The following ANKS1B variants were observed in gnomAD, a reference collection of about 807,000 sequenced individuals.
ANKS1B encodes ankyrin repeat and sterile alpha motif domain-containing protein 1B.
ANKS1B carries 36 observed loss-of-function variants against 148.3 expected under a neutral mutation model. The ratio of observed to expected loss-of-function variants is 0.24; its 90% CI spans 0.19 to 0.32. The LOEUF is 0.32. ANKS1B is among the 10% of genes least tolerant of loss of function. ANKS1B has a pLI of 1.00. For synonymous variants in ANKS1B, 542 were observed against 560.8 expected, an observed-to-expected ratio of 0.97 and a Z score of 0.47; for missense variants, 1,157 against 1,542.6, an observed-to-expected ratio of 0.75 and a Z score of 4.19.
intron 8 of ANKS1B, among the ~76,000 whole-genome samples, chr12:99,656,863 G>T (rs2098452134): frequency 1.3e-5 from 2 of 152,118 alleles, no homozygotes; most frequent in Admixed American, 6.6e-5. Context: ...ACTAAAGCAA[G>T]TAAATATATT....
chr12:99,448,159 G>A (rs1488052368), intron 10 of ANKS1B, among the ~76,000 whole-genome samples: 1 of 152,140 alleles, frequency 6.6e-6, no homozygotes, highest in Non-Finnish European at 1.5e-5. Flanking sequence ...CCATGTTATT[G>A]TAGCATTATT....
Position 99,850,281 on chromosome 12 carries a change from GTCTCTCTC to G in ANKS1B, c.135-24900_135-24893del, listed in dbSNP as rs71436968. Among the ~76,000 whole-genome samples the G allele has an allele frequency of 1.1e-4, 13 of 114,254 alleles. No homozygotes were observed. In the East Asian group the frequency reaches 2.0e-3, roughly 17 times the overall value. 75.0% of individuals were successfully genotyped at this position (114,254 alleles called of 152,430 possible). A position where few individuals can be genotyped will look rare whatever the true frequency, so the allele number is the denominator to read the frequency against. On this transcript the variant is annotated intron_variant, in intron 1 of 26. Coordinates refer to ENST00000683438, the MANE Select transcript of ANKS1B (RefSeq NM_001352186.2). ...TTGAGAAAACAGCAGAAGCAAGAAA[GTCTCTCTC>G]TCTCTCTCTCTCTCTCTCTCTCTCT...
rs143614080 is a variant in ANKS1B at position 99,786,723 on chromosome 12, C to T, written c.670-4626G>A. Among the ~76,000 whole-genome samples, 414 of 152,128 alleles carry T rather than the reference C, an allele frequency of 2.7e-3. 5 individuals carry two copies. Among genetic ancestry groups the T allele is most frequent in the African/African-American group, 9.7e-3 (401 of 41,528 alleles). On this transcript the variant is annotated intron_variant, in intron 4 of 26. Coordinates refer to ENST00000683438, the MANE Select transcript of ANKS1B (RefSeq NM_001352186.2). ...CTAGTAATACAGGCAGATATAAATG[C>T]TTAGAAAAAAGCAGATATAAATCCC...
chr12:99,971,649 A>G (rs1199249464), intron 1 of ANKS1B, among the ~76,000 whole-genome samples: 1 of 152,142 alleles, frequency 6.6e-6, no homozygotes, highest in Non-Finnish European at 1.5e-5. Context: ...GAAGAATACT[A>G]ATTGAGATCC....
chr12:98,782,045 A>T, intron 23 of ANKS1B, 81 bp downstream of exon 23: 1 of 1,192,798 alleles, frequency 8.4e-7, no homozygotes, highest in Non-Finnish European at 1.2e-6. Context: ...ATCATTCATC[A>T]CCAGTCACCA....
chr12:98,955,339 C>T (rs1045060075), intron 17 of ANKS1B, among the ~76,000 whole-genome samples: 4 of 152,130 alleles, frequency 2.6e-5, no homozygotes, highest in Admixed American at 2.0e-4. Flanking sequence ...ACAGCAGGTA[C>T]AGGGCTGAGG....
intron 25 of ANKS1B, among the ~76,000 whole-genome samples, chr12:98,756,881 C>T (rs1456243175): frequency 6.6e-6 from 1 of 151,706 alleles, no homozygotes; most frequent in Non-Finnish European, 1.5e-5. Flanking sequence ...GCGCCCACCA[C>T]CACGCCTGGC....
chr12:99,053,653 G>T (rs1275795387), intron 16 of ANKS1B, among the ~76,000 whole-genome samples: 2 of 152,176 alleles, frequency 1.3e-5, no homozygotes, highest in Non-Finnish European at 2.9e-5. Flanking sequence ...TAAATTCGAT[G>T]CGAAAGTCAC....
At chr12:99,698,654 A>G (rs147126649) in intron 8 of ANKS1B, among the ~76,000 whole-genome samples, 120 of 152,324 alleles carry the variant, frequency 7.9e-4, no homozygotes, top group Middle Eastern at 3.4e-3. Flanking sequence ...CCTTTGCTAT[A>G]TATTTAAGCC....
chr12:98,824,294 G>T (rs79546802), intron 19 of ANKS1B, among the ~76,000 whole-genome samples: 9,721 of 152,152 alleles, frequency 0.064, 431 homozygotes, highest in Non-Finnish European at 0.093. Flanking sequence ...AATAATAAAA[G>T]AAAAATGCAA....
rs555983816 is a variant in ANKS1B, at chr12:98,894,991, A to AGCGGCGGCG, written c.2779-62864_2779-62856dup. ...CGCGGCGCGCGCCTGCCCTGGCGGC[A>AGCGGCGGCG]GCGGCGGCGGCGGCGGCGCGTCCTC... On this transcript the variant is annotated intron_variant, in intron 17 of 26. Coordinates refer to ENST00000683438, the MANE Select transcript of ANKS1B (RefSeq NM_001352186.2). The AGCGGCGGCG allele has an allele frequency of 3.6e-3, 2,573 of 716,132 alleles. 11 individuals are homozygous for AGCGGCGGCG. The highest frequency in any genetic ancestry group is 5.2e-3 in the South Asian group (91 of 17,374). 44.4% of individuals were successfully genotyped at this position (716,132 alleles called of 1,614,324 possible).
intron 1 of ANKS1B, among the ~76,000 whole-genome samples, chr12:99,840,135 A>G (rs923420033): frequency 2.0e-5 from 3 of 152,180 alleles, no homozygotes; most frequent in Non-Finnish European, 2.9e-5. Flanking sequence ...AAATATATGA[A>G]GCAAGAAGTG....
chr12:99,867,029 C>T (rs1186958298), intron 1 of ANKS1B, among the ~76,000 whole-genome samples: 1 of 152,144 alleles, frequency 6.6e-6, no homozygotes, highest in African/African-American at 2.4e-5. Flanking sequence ...CAACTTAAAT[C>T]AGGGGCACCA....
Position 99,053,153 on chromosome 12 carries a change from T to G in ANKS1B, c.2778+4A>C. 1 of 1,602,398 alleles carries G rather than the reference T, an allele frequency of 6.2e-7. No homozygotes were observed. Among genetic ancestry groups the G allele is most frequent in the East Asian group, 2.2e-5 (1 of 44,634 alleles). On this transcript the variant is annotated splice_donor_region_variant and intron_variant, in intron 17 of 26. Coordinates refer to ENST00000683438, the MANE Select transcript of ANKS1B (RefSeq NM_001352186.2). ...GTTAAGGTGTCACTAAGAGACCAAC[T>G]TACATTAATAAGTTCAACCTCCCAG...
At chr12:99,611,580 G>C (rs368427683) in intron 9 of ANKS1B, among the ~76,000 whole-genome samples, 2 of 152,016 alleles carry the variant, frequency 1.3e-5, no homozygotes, top group African/African-American at 4.8e-5. Context: ...ACAGGGCTTC[G>C]GGGCGTTTCA....
intron 12 of ANKS1B, among the ~76,000 whole-genome samples, chr12:99,357,615 G>C (rs1397849838): frequency 6.6e-6 from 1 of 152,118 alleles, no homozygotes; most frequent in Non-Finnish European, 1.5e-5. Context: ...ATGTGTCTGT[G>C]TCTCCCTGAG....
At chr12:99,371,731 G>C (rs1410531111) in intron 12 of ANKS1B, among the ~76,000 whole-genome samples, 1 of 151,988 alleles carries the variant, frequency 6.6e-6, no homozygotes, top group Non-Finnish European at 1.5e-5. Flanking sequence ...CTAAATTACT[G>C]CCTGAAAATA....
At chr12:99,142,991 T>C (rs1405291156) in intron 15 of ANKS1B, among the ~76,000 whole-genome samples, 1 of 152,084 alleles carries the variant, frequency 6.6e-6, no homozygotes, top group Admixed American at 6.6e-5. Flanking sequence ...ATTACACCTT[T>C]CTGAAAAAAG....
chr12:99,448,977 T>C (rs1242241746), intron 10 of ANKS1B, among the ~76,000 whole-genome samples: 1 of 152,128 alleles, frequency 6.6e-6, no homozygotes, highest in East Asian at 1.9e-4. Context: ...ATTCTGTCTC[T>C]CTGTTGCATT....
Sources: gnomAD v4.1 joint callset for allele counts (sites outside exome capture counted in the v4.1 genomes callset) on GRCh38, gnomAD v4.1.1 for gene constraint, MANE v1.5 for transcripts, NCBI Gene and HGNC (gene_info 2026-07-23, HGNC 2026-07-21) for gene names.